CACNA1C: variants seen among roughly 807,000 people sequenced by gnomAD.
CACNA1C encodes voltage-dependent L-type calcium channel subunit alpha-1C.
Under a neutral mutation model 229.0 loss-of-function variants are expected in CACNA1C, and 30 were observed. The observed-to-expected ratio is 0.13, with a 90% CI of 0.10 to 0.18. The LOEUF (loss-of-function observed/expected upper bound fraction) is 0.18. Among genes scored for constraint, CACNA1C ranks in the 10% least tolerant of loss-of-function variants. The probability of loss-of-function intolerance (pLI) is 1.00; values close to 1 mark genes in which losing one functional copy is unlikely to be tolerated. For synonymous variants in CACNA1C, 1,114 were observed against 1,132.5 expected (o/e 0.98, Z 0.33); for missense variants, 1,658 against 2,845.0 (o/e 0.58, Z 9.49).
rs549151241 is a variant in CACNA1C at position 2,527,313 on chromosome 12, C to T, written c.1390+14329C>T. Among the ~76,000 whole-genome samples the T allele has an allele frequency of 5.3e-5, 8 of 152,260 alleles. No homozygotes were observed. The East Asian group carries it at 1.5e-3, about 29-fold the overall frequency. The stretch of plus-strand genomic sequence containing the variant: ...CTGTTAAAGAATGATTACAACTGTG[C>T]TGGGACTTGTTTGTGTCTTTTGCTT... On this transcript the variant is annotated intron_variant, in intron 9 of 46. Transcript: ENST00000399655.
intron 3 of CACNA1C, among the ~76,000 whole-genome samples, chr12:2,195,652 G>T (rs1393210011): frequency 2.0e-5 from 3 of 152,208 alleles, no homozygotes; most frequent in Non-Finnish European, 4.4e-5. Context: ...GAGGACAGAT[G>T]GATGAGCATC....
chr12:2,661,529 C>T (rs1299992280), intron 34 of CACNA1C, among the ~76,000 whole-genome samples: 1 of 151,622 alleles, frequency 6.6e-6, no homozygotes, highest in African/African-American at 2.4e-5. Context: ...TGAAAAGGCC[C>T]AAGGTTCAAT....
At chr12:2,142,894 A>T (rs1565952621) in intron 3 of CACNA1C, among the ~76,000 whole-genome samples, 1 of 151,192 alleles carries the variant, frequency 6.6e-6, no homozygotes, top group Non-Finnish European at 1.5e-5. Context: ...TCAAAAAGTT[A>T]AAAAAAATTA....
At chr12:2,408,722 G>A (rs142124208) in intron 3 of CACNA1C, among the ~76,000 whole-genome samples, 31 of 152,214 alleles carry the variant, frequency 2.0e-4, no homozygotes, top group African/African-American at 7.2e-4. Flanking sequence ...AAGTCTCCAG[G>A]CCACTTTATG....
At chr12:2,076,766 C>T (rs1241151702) in intron 1 of CACNA1C, among the ~76,000 whole-genome samples, 1 of 152,166 alleles carries the variant, frequency 6.6e-6, no homozygotes, top group South Asian at 2.1e-4. Flanking sequence ...AAATGAGCCC[C>T]TGCTTTATAG....
intron 3 of CACNA1C, among the ~76,000 whole-genome samples, chr12:2,251,206 A>T (rs1270809718): frequency 6.6e-6 from 1 of 152,162 alleles, no homozygotes; most frequent in Non-Finnish European, 1.5e-5. Flanking sequence ...GATCACGTTG[A>T]CAGTCAGCAT....
At chr12:2,361,404 T>C (rs1000970890) in intron 3 of CACNA1C, among the ~76,000 whole-genome samples, 4 of 152,268 alleles carry the variant, frequency 2.6e-5, no homozygotes, top group South Asian at 4.1e-4. Context: ...ATGATAGAGA[T>C]AAACTAAATT....
chr12:2,696,413 C>T lies in CACNA1C; in HGVS notation c.*5214C>T, dbSNP rs2097842775. 1 of 152,190 alleles carries T rather than the reference C, an allele frequency of 6.6e-6. No individual in the cohort carries two copies. Among genetic ancestry groups the T allele is most frequent in the Admixed American group, 6.5e-5 (1 of 15,290 alleles). 9.4% of individuals were successfully genotyped at this position (152,190 alleles called of 1,614,324 possible). Reference sequence around the variant, plus strand: ...AAGTCCTCTCCCTTCAGATCAGTTACTGGCTGCTACACAGGGACACCCCCA... The same window carrying T: ...AAGTCCTCTCCCTTCAGATCAGTTATTGGCTGCTACACAGGGACACCCCCA... On this transcript the variant is annotated 3_prime_UTR_variant, in exon 47 of 47. Coordinates refer to ENST00000399655, the MANE Select transcript of CACNA1C (RefSeq NM_000719.7).
chr12:2,273,414 C>T (rs2086054730), intron 3 of CACNA1C, among the ~76,000 whole-genome samples: 1 of 152,188 alleles, frequency 6.6e-6, no homozygotes, highest in East Asian at 1.9e-4. Context: ...GTGGAGAGCC[C>T]AGGGCCCAGG....
chr12:1,999,027 A>G (rs1490912273), intron 1 of CACNA1C, among the ~76,000 whole-genome samples: 1 of 152,192 alleles, frequency 6.6e-6, no homozygotes, highest in Admixed American at 6.5e-5. Flanking sequence ...ATTTCAGCAA[A>G]TTTCTCATTC....
intron 9 of CACNA1C, among the ~76,000 whole-genome samples, chr12:2,528,267 G>C (rs1413789468): frequency 6.6e-6 from 1 of 152,186 alleles, no homozygotes; most frequent in African/African-American, 2.4e-5. Flanking sequence ...CGGGGGTTAG[G>C]TCAGTAAAAG....
intron 3 of CACNA1C, among the ~76,000 whole-genome samples, chr12:2,347,148 G>A (rs1593530191): frequency 6.6e-6 from 1 of 152,182 alleles, no homozygotes; most frequent in South Asian, 2.1e-4. Flanking sequence ...CTACCTCCAA[G>A]GGTATGTGAG....
chr12:2,555,761 T>A (rs1460706033), intron 10 of CACNA1C, among the ~76,000 whole-genome samples: 1 of 152,178 alleles, frequency 6.6e-6, no homozygotes, highest in Non-Finnish European at 1.5e-5. Flanking sequence ...GATGTAATTA[T>A]CTCATGCACG....
intron 1 of CACNA1C, among the ~76,000 whole-genome samples, chr12:2,017,269 G>A (rs539347510): frequency 1.3e-5 from 2 of 152,296 alleles, no homozygotes; most frequent in South Asian, 2.1e-4. Context: ...TGGAAAAAGA[G>A]TAAGCAACTA....
In CACNA1C at chr12:2,667,155, A is replaced by T. The variant is rs116548979; in HGVS notation, c.4623+373A>T. Among the ~76,000 whole-genome samples the T allele has an allele frequency of 3.5e-3, 525 of 151,576 alleles. 5 individuals carry two copies. The highest frequency in any genetic ancestry group is 0.012 in the African/African-American group (510 of 41,230). On this transcript the variant is annotated intron_variant, in intron 37 of 46. Coordinates refer to ENST00000399655, the MANE Select transcript of CACNA1C (RefSeq NM_000719.7). ...GGGTCTTTGAGTCCTAAAATTTTTC[A>T]TAAAATCACTAAAATACAAAGTTTA...
At chr12:2,317,047 G>A (rs527527539) in intron 3 of CACNA1C, among the ~76,000 whole-genome samples, 6 of 152,344 alleles carry the variant, frequency 3.9e-5, no homozygotes, top group East Asian at 1.9e-4. Flanking sequence ...GATTGGAACC[G>A]TTGGGCATTG....
At chr12:2,052,894 C>G, upstream of CACNA1C, 2 of 661,814 alleles carry the variant, frequency 3.0e-6, no homozygotes, top group Non-Finnish European at 3.6e-6. Context: ...TCCGGCGCGC[C>G]GGGCGGGCGG....
chr12:2,547,671 G>T, intron 9 of CACNA1C: 1 of 623,526 alleles, frequency 1.6e-6, no homozygotes. Context: ...GTGTGTGTGT[G>T]TTTGTGAAGG....
At chr12:2,098,119 G>C (rs901942948) in intron 1 of CACNA1C, among the ~76,000 whole-genome samples, 3 of 152,204 alleles carry the variant, frequency 2.0e-5, no homozygotes, top group Admixed American at 2.0e-4. Context: ...TTCTGGCCTA[G>C]TTCTTTTCCC....
Sources: gnomAD v4.1 joint callset for allele counts (sites outside exome capture counted in the v4.1 genomes callset) on GRCh38, gnomAD v4.1.1 for gene constraint, MANE v1.5 for transcripts, NCBI Gene and HGNC (gene_info 2026-07-23, HGNC 2026-07-21) for gene names.